Variants in KIAA1217 observed in about 807,000 individuals in gnomAD.
KIAA1217 encodes the protein sickle tail protein homolog.
A neutral mutation model predicts 163.9 loss-of-function variants in KIAA1217; 88 were observed. That is an observed-to-expected ratio of 0.54 (90% CI 0.45 to 0.64). The LOEUF (loss-of-function observed/expected upper bound fraction) is 0.64. Ranked by LOEUF, KIAA1217 falls within the 30% of genes least tolerant of loss-of-function variation. KIAA1217 has a pLI of 0.00. For missense variants in KIAA1217, 2,372 were observed against 2,475.0 expected, an observed-to-expected ratio of 0.96 and a Z score of 0.88; for synonymous variants, 903 against 923.1, an observed-to-expected ratio of 0.98 and a Z score of 0.39.
At chr10:23,809,366 A>G (rs896132281) in intron 1 of KIAA1217, among the ~76,000 whole-genome samples, 1 of 152,048 alleles carries the variant, frequency 6.6e-6, no homozygotes, top group Non-Finnish European at 1.5e-5. Flanking sequence ...TAGACTTACT[A>G]AAATTAAGAT....
At chr10:24,230,062 G>A (rs1469528693) in intron 2 of KIAA1217, among the ~76,000 whole-genome samples, 1 of 152,020 alleles carries the variant, frequency 6.6e-6, no homozygotes, top group Admixed American at 6.5e-5. Context: ...AAACTATGAA[G>A]AACACAGAGA....
intron 3 of KIAA1217, among the ~76,000 whole-genome samples, chr10:24,398,051 A>T (rs554511660): frequency 6.6e-6 from 1 of 152,286 alleles, no homozygotes; most frequent in East Asian, 1.9e-4. Flanking sequence ...CTGACTCCCC[A>T]TGCAGTTGGA....
chr10:24,500,255 AGAGT>A (rs898508135), intron 8 of KIAA1217, among the ~76,000 whole-genome samples: 3 of 128,426 alleles, frequency 2.3e-5, no homozygotes, highest in Admixed American at 1.6e-4. Context: ...CTACTCCAGA[AGAGT>A]GTGTGTGCGT....
At chr10:24,447,774 C>G (rs1236014738) in intron 5 of KIAA1217, among the ~76,000 whole-genome samples, 4 of 152,208 alleles carry the variant, frequency 2.6e-5, no homozygotes, top group African/African-American at 9.6e-5. Context: ...CTATTGGCCA[C>G]TGACCCAAAT....
chr10:24,233,866 C>A (rs1052531002), intron 2 of KIAA1217, among the ~76,000 whole-genome samples: 3 of 152,122 alleles, frequency 2.0e-5, no homozygotes, highest in African/African-American at 7.2e-5. Context: ...AACAAAGTCT[C>A]CCATATCATT....
chr10:23,764,316 G>A (rs1032690525), intron 1 of KIAA1217, among the ~76,000 whole-genome samples: 1 of 152,170 alleles, frequency 6.6e-6, no homozygotes, highest in Non-Finnish European at 1.5e-5. Context: ...AGATGTTGGC[G>A]AGGCTCTGGA....
At chr10:23,719,703 T>C (rs1477517425) in intron 1 of KIAA1217, among the ~76,000 whole-genome samples, 1 of 152,034 alleles carries the variant, frequency 6.6e-6, no homozygotes, top group Admixed American at 6.6e-5. Context: ...CGGATCACAA[T>C]GTTAAGAGAT....
At chr10:24,341,045 T>C (rs2047030899) in intron 2 of KIAA1217, among the ~76,000 whole-genome samples, 1 of 151,096 alleles carries the variant, frequency 6.6e-6, no homozygotes, top group Non-Finnish European at 1.5e-5. Flanking sequence ...TCCTTCCCTA[T>C]AGATACTGTG....
At chr10:23,852,446 G>C (rs373016884) in intron 1 of KIAA1217, among the ~76,000 whole-genome samples, 10 of 151,930 alleles carry the variant, frequency 6.6e-5, no homozygotes, top group African/African-American at 1.2e-4. Flanking sequence ...AGTCAGGTAG[G>C]GTGATGCCTC....
intron 1 of KIAA1217, among the ~76,000 whole-genome samples, chr10:23,931,808 G>A (rs1843263142): frequency 6.6e-6 from 1 of 152,140 alleles, no homozygotes; most frequent in South Asian, 2.1e-4. Flanking sequence ...GAAACAGATG[G>A]TTTACTCAAG....
intron 13 of KIAA1217, among the ~76,000 whole-genome samples, chr10:24,525,858 C>A (rs567075037): frequency 6.6e-6 from 1 of 152,084 alleles, no homozygotes; most frequent in East Asian, 1.9e-4. Context: ...GGCATGGTGG[C>A]GCGTGCCTGT....
chr10:23,785,427 A>C (rs1835448036), intron 1 of KIAA1217, among the ~76,000 whole-genome samples: 1 of 152,182 alleles, frequency 6.6e-6, no homozygotes, highest in Non-Finnish European at 1.5e-5. Context: ...GAGTTTTATA[A>C]TTAGGAACAT....
At chr10:24,094,396 C>T (rs897821543) in intron 2 of KIAA1217, among the ~76,000 whole-genome samples, 2 of 152,202 alleles carry the variant, frequency 1.3e-5, no homozygotes, top group African/African-American at 4.8e-5. Flanking sequence ...TGGTGATGTA[C>T]AGATGGGTTT....
At chr10:24,363,696 C>T (rs1046477908) in intron 2 of KIAA1217, among the ~76,000 whole-genome samples, 2 of 151,906 alleles carry the variant, frequency 1.3e-5, no homozygotes, top group African/African-American at 4.8e-5. Flanking sequence ...CTTAGCCTCC[C>T]AAGTAGCTGA....
chr10:24,224,739 T>C (rs1480240016), intron 2 of KIAA1217, among the ~76,000 whole-genome samples: 1 of 152,130 alleles, frequency 6.6e-6, no homozygotes, highest in Non-Finnish European at 1.5e-5. Flanking sequence ...TGGCAGCTTT[T>C]AGCGTGATAA....
At position 24,103,060 on chromosome 10, in the gene KIAA1217, C is replaced by A. The variant is rs548449822; in HGVS notation, c.-171+95686C>A. Among the ~76,000 whole-genome samples the A allele has an allele frequency of 8.8e-4, 134 of 152,288 alleles. 1 individual carries two copies. Among genetic ancestry groups the A allele is most frequent in the Non-Finnish European group, 1.7e-3 (114 of 68,018 alleles). ...CTTCCACCATGACTGTGAGCTCTCCCCAGCCATGTGGAACTGTGAATCAAT... is the reference window on the plus strand; with the variant it reads ...CTTCCACCATGACTGTGAGCTCTCCACAGCCATGTGGAACTGTGAATCAAT... On this transcript the variant is annotated intron_variant, in intron 2 of 18. Transcript: ENST00000376462.
At chr10:24,229,481 A>G (rs2071066953) in intron 2 of KIAA1217, among the ~76,000 whole-genome samples, 1 of 152,120 alleles carries the variant, frequency 6.6e-6, no homozygotes, top group Non-Finnish European at 1.5e-5. Context: ...ACTGAATATG[A>G]GTTTACAGAG....
intron 1 of KIAA1217, among the ~76,000 whole-genome samples, chr10:23,759,932 AAGGG>A (rs1380816626): frequency 6.6e-6 from 1 of 152,222 alleles, no homozygotes. Context: ...ACTTATAGTA[AAGGG>A]AGGAAGAATA....
intron 2 of KIAA1217, among the ~76,000 whole-genome samples, chr10:24,008,343 C>T (rs1374205990): frequency 1.3e-5 from 2 of 152,092 alleles, no homozygotes; most frequent in Non-Finnish European, 2.9e-5. Flanking sequence ...TGTCAGGAAG[C>T]ATTAAACTTA....
Sources: gnomAD v4.1 joint callset for allele counts (sites outside exome capture counted in the v4.1 genomes callset) on GRCh38, gnomAD v4.1.1 for gene constraint, MANE v1.5 for transcripts, NCBI Gene and HGNC (gene_info 2026-07-23, HGNC 2026-07-21) for gene names.